Variants in RBPMS observed in about 807,000 individuals in gnomAD.
RBPMS encodes RNA-binding protein with multiple splicing.
Under a neutral mutation model 26.8 loss-of-function variants are expected in RBPMS, and 7 were observed. That is an observed-to-expected ratio of 0.26 (90% CI 0.15 to 0.49). The LOEUF (loss-of-function observed/expected upper bound fraction) is 0.49. Among genes scored for constraint, RBPMS ranks in the 20% least tolerant of loss-of-function variants. RBPMS has a pLI of 0.98. For missense variants in RBPMS, 186 were observed against 250.0 expected, an observed-to-expected ratio of 0.74 and a Z score of 1.73; for synonymous variants, 96 against 93.3, an observed-to-expected ratio of 1.03 and a Z score of -0.17.
intron 5 of RBPMS, among the ~76,000 whole-genome samples, chr8:30,528,255 C>T (rs188152971): frequency 6.6e-6 from 1 of 151,936 alleles, no homozygotes; most frequent in African/African-American, 2.4e-5. Flanking sequence ...TGTCACATTG[C>T]TTTCGGAGAG....
chr8:30,436,385 A>C (rs1812450503), intron 1 of RBPMS, among the ~76,000 whole-genome samples: 1 of 152,130 alleles, frequency 6.6e-6, no homozygotes, highest in South Asian at 2.1e-4. Context: ...TACTTCTCTA[A>C]AAATATTTGA....
At chr8:30,470,997 T>G (rs1013482908) in intron 1 of RBPMS, among the ~76,000 whole-genome samples, 4 of 152,228 alleles carry the variant, frequency 2.6e-5, no homozygotes, top group Non-Finnish European at 5.9e-5. Flanking sequence ...TTGTTTCTAG[T>G]CCCTTAAAGA....
intron 3 of RBPMS, among the ~76,000 whole-genome samples, chr8:30,479,007 C>T (rs1817998063): frequency 1.3e-5 from 2 of 152,210 alleles, no homozygotes; most frequent in African/African-American, 4.8e-5. Flanking sequence ...AGTAGAGCCT[C>T]TCCAACCCAA....
At chr8:30,537,065 T>C (rs977773456) in intron 5 of RBPMS, among the ~76,000 whole-genome samples, 4 of 152,018 alleles carry the variant, frequency 2.6e-5, no homozygotes, top group Admixed American at 6.6e-5. Flanking sequence ...CTGCAGGTCA[T>C]AGGAAGGAGG....
At chr8:30,476,756 C>T (rs1020674225) in intron 2 of RBPMS, among the ~76,000 whole-genome samples, 2 of 152,138 alleles carry the variant, frequency 1.3e-5, no homozygotes, top group Admixed American at 6.5e-5. Context: ...TCCCCTGTGT[C>T]GTCCGTTAAT....
intron 3 of RBPMS, 84 bp downstream of exon 3, chr8:30,477,921 C>T: frequency 1.0e-6 from 1 of 959,550 alleles, no homozygotes; most frequent in Non-Finnish European, 1.6e-6. Flanking sequence ...TTTTTTTATT[C>T]CCATTAGAAT....
chr8:30,533,925 A>G (rs1824522881), intron 5 of RBPMS, among the ~76,000 whole-genome samples: 1 of 152,114 alleles, frequency 6.6e-6, no homozygotes, highest in Admixed American at 6.5e-5. Flanking sequence ...CGAGGTCAGG[A>G]GTTCGAGACC....
At chr8:30,528,217 T>C (rs1823810204) in intron 5 of RBPMS, among the ~76,000 whole-genome samples, 1 of 151,842 alleles carries the variant, frequency 6.6e-6, no homozygotes. Flanking sequence ...GTAATCCTTG[T>C]TTAGTGGTGG....
intron 1 of RBPMS, among the ~76,000 whole-genome samples, chr8:30,432,083 G>A (rs189218283): frequency 3.9e-5 from 6 of 152,146 alleles, no homozygotes; most frequent in Non-Finnish European, 8.8e-5. Context: ...CCATGATCAC[G>A]CCGCTGCACT....
chr8:30,448,324 G>A (rs1469938189), intron 1 of RBPMS, among the ~76,000 whole-genome samples: 2 of 152,184 alleles, frequency 1.3e-5, no homozygotes, highest in Non-Finnish European at 2.9e-5. Context: ...TGGATGTACA[G>A]CCTAACTGAG....
At chr8:30,570,410 T>C (rs371973616) in intron 8 of RBPMS, among the ~76,000 whole-genome samples, 3 of 152,268 alleles carry the variant, frequency 2.0e-5, no homozygotes, top group African/African-American at 7.2e-5. Flanking sequence ...CAAGAAAACC[T>C]CTGGGCCAGG....
chr8:30,412,934 G>T (rs370450654), intron 1 of RBPMS, among the ~76,000 whole-genome samples: 7 of 152,140 alleles, frequency 4.6e-5, no homozygotes, highest in African/African-American at 1.7e-4. Context: ...GGCTATCATA[G>T]GCCTTTTGAG....
At chr8:30,478,769 A>T (rs1807225) in intron 3 of RBPMS, among the ~76,000 whole-genome samples, 22,444 of 152,216 alleles carry the variant, frequency 0.15, 2,238 homozygotes, top group Non-Finnish European at 0.21. Flanking sequence ...AAGTACTGGG[A>T]TTACAGGCGT....
intron 5 of RBPMS, among the ~76,000 whole-genome samples, chr8:30,524,694 C>G (rs1051049830): frequency 1.3e-5 from 2 of 152,264 alleles, no homozygotes; most frequent in African/African-American, 4.8e-5. Flanking sequence ...ACATTCTGCA[C>G]TTTCTTCTCT....
chr8:30,556,483 G>T (rs925867245), intron 6 of RBPMS: 18 of 985,964 alleles, frequency 1.8e-5, no homozygotes, highest in Non-Finnish European at 2.0e-5. Flanking sequence ...CATCCACTGT[G>T]CAGCTCTCCT....
At chr8:30,533,268 C>T (rs1473542215) in intron 5 of RBPMS, among the ~76,000 whole-genome samples, 1 of 152,148 alleles carries the variant, frequency 6.6e-6, no homozygotes, top group South Asian at 2.1e-4. Flanking sequence ...TCAGTGGCAA[C>T]GTGGAACCTA....
chr8:30,491,874 T>C (rs1819435140), intron 4 of RBPMS, among the ~76,000 whole-genome samples: 1 of 152,128 alleles, frequency 6.6e-6, no homozygotes. Flanking sequence ...TTCATGTGCT[T>C]TTCCATGTAG....
rs568883513 is a variant in RBPMS at position 30,461,979 on chromosome 8, G to GTGTA, written c.67-12799_67-12796dup. 1.8e-3 allele frequency among the ~76,000 whole-genome samples: 271 copies of GTGTA among 152,270 alleles called. 2 individuals carry two copies. The highest frequency in any genetic ancestry group is 2.4e-3 in the Non-Finnish European group (163 of 68,024). On this transcript the variant is annotated intron_variant, in intron 1 of 8. Transcript: ENST00000397323. ...TTTAGAGATTGGCTTTTTTTACTTA[G>GTGTA]TGTAATTCCCTTGAGAGTCGTTCAA... is the stretch of plus-strand genomic sequence containing the variant.
chr8:30,426,004 G>A (rs567569512), intron 1 of RBPMS, among the ~76,000 whole-genome samples: 121 of 152,214 alleles, frequency 7.9e-4, no homozygotes, highest in Non-Finnish European at 1.3e-3. Flanking sequence ...GCTTCCCACC[G>A]TGCCCAAAGA....
Sources: allele counts gnomAD v4.1 joint callset (sites outside exome capture counted in the v4.1 genomes callset), GRCh38; gene constraint gnomAD v4.1.1; transcripts MANE v1.5; gene names NCBI Gene and HGNC (gene_info 2026-07-23, HGNC 2026-07-21).